HHAT: variants seen among roughly 807,000 people sequenced by gnomAD.
HHAT encodes protein-cysteine N-palmitoyltransferase HHAT.
Under a neutral mutation model 70.8 loss-of-function variants are expected in HHAT, and 47 were observed. The observed-to-expected ratio is 0.66, with a 90% CI of 0.53 to 0.85. The LOEUF is 0.85. Ranked by LOEUF, HHAT falls within the 40% of genes least tolerant of loss-of-function variation. The probability of loss-of-function intolerance (pLI) is 0.00; values close to 1 mark genes in which losing one functional copy is unlikely to be tolerated. For synonymous variants in HHAT, 228 were observed against 247.6 expected (o/e 0.92, Z 0.74); for missense variants, 609 against 604.8 (o/e 1.01, Z -0.07).
At chr1:210,525,958 G>T (rs578162043) in intron 9 of HHAT, among the ~76,000 whole-genome samples, 1 of 152,132 alleles carries the variant, frequency 6.6e-6, no homozygotes, top group African/African-American at 2.4e-5. Flanking sequence ...TTCCTAATGC[G>T]TGCGCGATCT....
At chr1:210,432,493 A>G (rs1382296834) in intron 7 of HHAT, among the ~76,000 whole-genome samples, 1 of 151,968 alleles carries the variant, frequency 6.6e-6, no homozygotes, top group African/African-American at 2.4e-5. Context: ...GACTTTGGTC[A>G]TGGTTGACGT....
chr1:210,630,719 G>A (rs957727742), intron 11 of HHAT, among the ~76,000 whole-genome samples: 4 of 152,276 alleles, frequency 2.6e-5, no homozygotes, highest in South Asian at 4.2e-4. Flanking sequence ...CCCAGGACTC[G>A]CCAGGCAGTA....
At chr1:210,641,828 T>G (rs1673023632) in intron 11 of HHAT, among the ~76,000 whole-genome samples, 1 of 152,184 alleles carries the variant, frequency 6.6e-6, no homozygotes, top group Non-Finnish European at 1.5e-5. Context: ...ACACATTCCA[T>G]CCAATCGTAG....
chr1:210,588,408 C>T, intron 10 of HHAT: 1 of 285,350 alleles, frequency 3.5e-6, no homozygotes. Context: ...TAAATTTTTT[C>T]CATGTGTATA....
At chr1:210,370,994 T>C (rs977942389) in intron 3 of HHAT, among the ~76,000 whole-genome samples, 1 of 152,136 alleles carries the variant, frequency 6.6e-6, no homozygotes. Context: ...ATCTTACATT[T>C]TTCCTACCTG....
chr1:210,562,552 C>G (rs1239086357), intron 9 of HHAT, among the ~76,000 whole-genome samples: 1 of 152,080 alleles, frequency 6.6e-6, no homozygotes, highest in Non-Finnish European at 1.5e-5. Flanking sequence ...AGCTAACATC[C>G]AACATCTACT....
At chr1:210,460,092 TAAG>T (rs1012785911) in intron 7 of HHAT, among the ~76,000 whole-genome samples, 9 of 152,184 alleles carry the variant, frequency 5.9e-5, no homozygotes, top group Admixed American at 3.3e-4. Flanking sequence ...AACTGGGTTC[TAAG>T]AGATAGTGTT....
intron 6 of HHAT, 48 bp downstream of exon 6, chr1:210,404,727 G>T: frequency 6.7e-7 from 1 of 1,488,598 alleles, no homozygotes; most frequent in Non-Finnish European, 9.3e-7. Flanking sequence ...TTAAGCCTTT[G>T]TCGCTGTTGC....
In HHAT at chr1:210,513,162, T is replaced by A. The variant is rs1486645557; in HGVS notation, c.1017T>A (p.Asp339Glu). The A allele has an allele frequency of 8.5e-6, 13 of 1,532,816 alleles. No individual in the cohort carries two copies. The highest frequency in any genetic ancestry group is 1.2e-5 in the Non-Finnish European group (13 of 1,110,192). The allele number at this position is 1,532,816 out of a possible 1,614,324, so 95.0% of individuals were successfully genotyped here. ...FSFTGMWRYFDVGLHNFLIRY... is the reference protein window; with the variant it reads ...FSFTGMWRYFEVGLHNFLIRY... Reference sequence around the variant, plus strand: ...TGTCTCTTTTGAACAGGTATTTTGATGTTGGACTGCATAATTTCTTAATCA... The same window carrying A: ...TGTCTCTTTTGAACAGGTATTTTGAAGTTGGACTGCATAATTTCTTAATCA... The change falls in exon 9 of 12, where the codon GAT becomes GAA. Residue 339 changes from aspartate (D) to glutamate (E), a missense_variant. Asp to Glu is a conservative substitution (Grantham distance 45). Coordinates refer to ENST00000261458, the MANE Select transcript of HHAT (RefSeq NM_018194.6).
chr1:210,380,630 A>G (rs1188802447), intron 3 of HHAT, among the ~76,000 whole-genome samples: 2 of 152,214 alleles, frequency 1.3e-5, no homozygotes, highest in Non-Finnish European at 2.9e-5. Flanking sequence ...TTGTGGGAGC[A>G]TAGGCAAGGG....
intron 3 of HHAT, among the ~76,000 whole-genome samples, chr1:210,386,977 C>T (rs1407333795): frequency 6.6e-6 from 1 of 152,196 alleles, no homozygotes; most frequent in Non-Finnish European, 1.5e-5. Context: ...CTCAGAATAA[C>T]TGACTTTAAG....
At chr1:210,535,423 T>C (rs1479450016) in intron 9 of HHAT, among the ~76,000 whole-genome samples, 1 of 140,818 alleles carries the variant, frequency 7.1e-6, no homozygotes, top group African/African-American at 2.5e-5. Context: ...CTGGGAAACA[T>C]TGTGTGTTTG....
intron 8 of HHAT, among the ~76,000 whole-genome samples, chr1:210,502,107 A>T (rs1470627006): frequency 6.6e-6 from 1 of 151,550 alleles, no homozygotes; most frequent in Admixed American, 6.6e-5. Flanking sequence ...CTTTCCGGCC[A>T]GGCACGGTGG....
At position 210,601,937 on chromosome 1, in the gene HHAT, C is replaced by CAGAG. The variant is rs147826172; in HGVS notation, c.1245+13855_1245+13858dup. Among the ~76,000 whole-genome samples, 540 of 147,264 alleles carry CAGAG rather than the reference C, an allele frequency of 3.7e-3. 4 individuals carry two copies. The highest frequency in any genetic ancestry group is 0.014 in the East Asian group (72 of 4,998). ...TGGAGCCATGAGAATATTTGAGACT[C>CAGAG]AGAGAGAGAGAGAGAGAGAGTATGT... is the stretch of plus-strand genomic sequence containing the variant. On this transcript the variant is annotated intron_variant, in intron 10 of 11. Coordinates refer to ENST00000261458, the MANE Select transcript of HHAT (RefSeq NM_018194.6).
intron 10 of HHAT, among the ~76,000 whole-genome samples, chr1:210,601,748 A>G (rs1446813704): frequency 1.3e-5 from 2 of 152,148 alleles, no homozygotes. Flanking sequence ...TAATAAAACC[A>G]TGAAATGGGA....
intron 6 of HHAT, among the ~76,000 whole-genome samples, chr1:210,415,553 A>G (rs577824605): frequency 2.0e-5 from 3 of 152,376 alleles, no homozygotes; most frequent in African/African-American, 7.2e-5. Context: ...TCTCCAAAGC[A>G]ATTACTGTTG....
intron 9 of HHAT, among the ~76,000 whole-genome samples, chr1:210,544,367 G>GTTTTTTTTTTTTTTTTTTTTTTTTTTTT (rs569514246): frequency 4.4e-5 from 4 of 90,066 alleles, no homozygotes; most frequent in Admixed American, 1.3e-4. Flanking sequence ...TCTTTCTTTC[G>GTTTTTTTTTTTTTTTTTTTTTTTTTTTT]TTTTTTTTTT....
intron 9 of HHAT, among the ~76,000 whole-genome samples, chr1:210,522,646 T>C (rs2095176584): frequency 6.6e-6 from 1 of 152,170 alleles, no homozygotes; most frequent in Non-Finnish European, 1.5e-5. Context: ...GACGCACCGT[T>C]GTCTGTGAAC....
intron 7 of HHAT, among the ~76,000 whole-genome samples, chr1:210,423,791 A>G (rs1653328138): frequency 6.6e-6 from 1 of 152,182 alleles, no homozygotes. Context: ...TTTGTTGAAC[A>G]GATTGTCCTT....
Sources: gnomAD v4.1 joint callset for allele counts (sites outside exome capture counted in the v4.1 genomes callset) on GRCh38, gnomAD v4.1.1 for gene constraint, MANE v1.5 for transcripts, NCBI Gene and HGNC (gene_info 2026-07-23, HGNC 2026-07-21) for gene names.